The following SYNE1 variants were observed in gnomAD, a reference collection of about 807,000 sequenced individuals.
The protein encoded by SYNE1 is nesprin-1.
Under a neutral mutation model 1,111.0 loss-of-function variants are expected in SYNE1, and 616 were observed. The ratio of observed to expected loss-of-function variants is 0.55; its 90% CI spans 0.52 to 0.59. SYNE1 has a LOEUF of 0.59. SYNE1 is among the 20% of genes least tolerant of loss of function. The pLI, the probability that SYNE1 is intolerant of heterozygous loss-of-function variation, is 0.00. For missense variants in SYNE1, 10,006 were observed against 10,417.0 expected (o/e 0.96, Z 1.72); for synonymous variants, 3,855 against 3,825.8 (o/e 1.01, Z -0.28).
rs553471846 is a variant in SYNE1, at chr6:152,617,388, T to A, written c.67+10877A>T. Among the ~76,000 whole-genome samples, 48 of 152,348 alleles carry A rather than the reference T, an allele frequency of 3.2e-4. 2 individuals are homozygous for A. Among genetic ancestry groups the A allele is most frequent in the Admixed American group, 3.1e-3 (47 of 15,296 alleles). On this transcript the variant is annotated intron_variant, in intron 3 of 145. Coordinates refer to ENST00000367255, the MANE Select transcript of SYNE1 (RefSeq NM_182961.4). ...ATTAAATAAATACTTACCCATAGTA[T>A]CTACCACTCAGTTTTTAAATTTCTC...
chr6:152,422,614 T>C (rs892904204), intron 39 of SYNE1, among the ~76,000 whole-genome samples: 1 of 152,180 alleles, frequency 6.6e-6, no homozygotes, highest in African/African-American at 2.4e-5. Context: ...GCAATCCTCC[T>C]GCCTCAGCTT....
Position 152,350,313 on chromosome 6 carries a change from G to T in SYNE1, c.11756C>A (p.Ala3919Glu), listed in dbSNP as rs114367594. ...GTAGTCTTCATGGTCTTTGACTTTC[G>T]CCTCCAGACTGAAGACATGCTCCTG... ...IGKEHVFSLE[A>E]KVKDHEDYNS... is the part of the protein sequence containing the mutation. Residue 3919 changes from alanine (A) to glutamate (E), a missense_variant, in exon 72 of 146, where the codon GCG (alanine) becomes GAG (glutamate). Ala to Glu is a moderately radical substitution (Grantham distance 107, BLOSUM62 -1). Coordinates refer to ENST00000367255, the MANE Select transcript of SYNE1 (RefSeq NM_182961.4). 1.2e-6 allele frequency: 2 copies of T among 1,614,052 alleles called. No homozygotes were observed. The highest frequency in any genetic ancestry group is 1.3e-5 in the African/African-American group (1 of 74,982).
intron 115 of SYNE1, among the ~76,000 whole-genome samples, chr6:152,228,079 C>G (rs1315616904): frequency 1.3e-5 from 2 of 152,060 alleles, no homozygotes; most frequent in Non-Finnish European, 1.5e-5. Flanking sequence ...AGCTGGAATC[C>G]AGTCACCAAT....
At chr6:152,376,737 T>C in intron 57 of SYNE1, 39 bp downstream of exon 57, 1 of 1,612,146 alleles carries the variant, frequency 6.2e-7, no homozygotes, top group Non-Finnish European at 8.5e-7. Flanking sequence ...TTCTAATTTG[T>C]ATAAAAATAT....
Position 152,122,607 on chromosome 6 carries a change from C to A in SYNE1, c.26223G>T (p.Leu8741=), listed in dbSNP as rs1402630826. ...PGPGRSGRGF[L]FRVLRAALPL... The stretch of plus-strand genomic sequence containing the variant: ...GAAGAGCTGCTCGGAGGACTCTGAA[C>A]AGGAAGCCGCGGCCGGACCGACCTG... Residue 8741 remains leucine (L), a synonymous_variant, in exon 146 of 146, where the codon CTG becomes CTT. Coordinates refer to ENST00000367255, the MANE Select transcript of SYNE1 (RefSeq NM_182961.4). The A allele has an allele frequency of 1.9e-6, 3 of 1,614,066 alleles. No homozygotes were observed. Among genetic ancestry groups the A allele is most frequent in the African/African-American group, 1.3e-5 (1 of 74,932 alleles).
intron 98 of SYNE1, among the ~76,000 whole-genome samples, chr6:152,276,207 G>T (rs2093619046): frequency 6.6e-6 from 1 of 151,588 alleles, no homozygotes; most frequent in Admixed American, 6.6e-5. Context: ...GCTAATTTTT[G>T]TATTTTTAGT....
intron 3 of SYNE1, among the ~76,000 whole-genome samples, chr6:152,549,575 G>A (rs140132446): frequency 6.6e-6 from 1 of 152,260 alleles, no homozygotes; most frequent in African/African-American, 2.4e-5. Context: ...GACAAGTAAT[G>A]GATTAAAAGT....
intron 32 of SYNE1, among the ~76,000 whole-genome samples, chr6:152,437,153 C>CA (rs201887146): frequency 0.032 from 4,780 of 149,924 alleles, 267 homozygotes; most frequent in African/African-American, 0.11. Context: ...GAATTTGTCT[C>CA]AAAGAAAAAA....
At chr6:152,210,815 G>C (rs1181314700) in intron 124 of SYNE1, among the ~76,000 whole-genome samples, 3 of 151,506 alleles carry the variant, frequency 2.0e-5, no homozygotes, top group African/African-American at 7.3e-5. Context: ...ATAAATCTGG[G>C]GAGAAGCTAA....
chr6:152,514,090 A>T (rs1180146861), intron 6 of SYNE1, among the ~76,000 whole-genome samples: 4 of 152,170 alleles, frequency 2.6e-5, no homozygotes, highest in African/African-American at 9.7e-5. Context: ...AAGATCTAGA[A>T]CCAGAAATAC....
At chr6:152,525,501 T>A (rs534813491) in intron 5 of SYNE1, among the ~76,000 whole-genome samples, 5 of 152,348 alleles carry the variant, frequency 3.3e-5, no homozygotes, top group Non-Finnish European at 7.3e-5. Context: ...ATTTATTATT[T>A]GACAATGTAG....
At chr6:152,167,824 C>T (rs768126658) in intron 130 of SYNE1, 30 of 620,606 alleles carry the variant, frequency 4.8e-5, no homozygotes, top group Admixed American at 4.8e-4. Context: ...CCTCTCTACT[C>T]TAGCCATACT....
At chr6:152,134,670 G>A (rs1387977946) in intron 142 of SYNE1, 1 of 224,384 alleles carries the variant, frequency 4.5e-6, no homozygotes, top group East Asian at 1.3e-4. Flanking sequence ...AACAGAGTGA[G>A]ACTCTGTCTC....
intron 26 of SYNE1, 52 bp downstream of exon 26, chr6:152,450,995 T>C (rs2098643694): frequency 1.2e-6 from 2 of 1,612,590 alleles, no homozygotes; most frequent in African/African-American, 1.3e-5. Context: ...ATATCCTTTA[T>C]GGAACAATGT....
chr6:152,205,406 C>T (rs572707224), intron 126 of SYNE1, among the ~76,000 whole-genome samples: 2 of 152,202 alleles, frequency 1.3e-5, no homozygotes, highest in Non-Finnish European at 2.9e-5. Flanking sequence ...TAAGTCCTCA[C>T]AATGGCCACA....
intron 93 of SYNE1, among the ~76,000 whole-genome samples, chr6:152,294,467 A>C (rs574305525): frequency 3.2e-4 from 49 of 152,352 alleles, no homozygotes; most frequent in African/African-American, 1.1e-3. Context: ...ATAGCAAAAA[A>C]AGAGAATCTT....
At chr6:152,549,976 A>G (rs1168969654) in intron 3 of SYNE1, among the ~76,000 whole-genome samples, 2 of 152,180 alleles carry the variant, frequency 1.3e-5, no homozygotes, top group African/African-American at 4.8e-5. Context: ...CCTAAGTTAC[A>G]GTTGCTTAAC....
At chr6:152,521,032 C>T (rs2099136406) in intron 5 of SYNE1, among the ~76,000 whole-genome samples, 1 of 152,130 alleles carries the variant, frequency 6.6e-6, no homozygotes, top group Non-Finnish European at 1.5e-5. Flanking sequence ...TTGAGGGCAC[C>T]CGTCATACTA....
intron 3 of SYNE1, among the ~76,000 whole-genome samples, chr6:152,584,002 G>A (rs1009802151): frequency 2.0e-5 from 3 of 152,212 alleles, no homozygotes; most frequent in Admixed American, 6.5e-5. Context: ...TGTATAGGAA[G>A]GCATTATTGC....
Sources: gnomAD v4.1 joint callset for allele counts (sites outside exome capture counted in the v4.1 genomes callset) on GRCh38, gnomAD v4.1.1 for gene constraint, MANE v1.5 for transcripts, NCBI Gene and HGNC (gene_info 2026-07-23, HGNC 2026-07-21) for gene names.